The following ANK3 variants were observed in gnomAD, a reference collection of about 807,000 sequenced individuals.
The protein encoded by ANK3 is ankyrin-3.
In ANK3, 57 loss-of-function variants were observed where a neutral mutation model predicts 370.9. The observed-to-expected ratio is 0.15, with a 90% CI of 0.12 to 0.19. The LOEUF is 0.19. ANK3 is among the 10% of genes least tolerant of loss of function. ANK3 has a pLI of 1.00. For synonymous variants in ANK3, 1,929 were observed against 1,946.3 expected, an observed-to-expected ratio of 0.99 and a Z score of 0.23; for missense variants, 4,439 against 5,302.1, an observed-to-expected ratio of 0.84 and a Z score of 5.06.
At chr10:60,242,019 C>T (rs1002362539) in intron 7 of ANK3, among the ~76,000 whole-genome samples, 3 of 152,104 alleles carry the variant, frequency 2.0e-5, no homozygotes, top group Admixed American at 6.6e-5. Flanking sequence ...CTGCTATATC[C>T]TCTAATGTGT....
Position 60,088,083 on chromosome 10 carries a change from A to G in ANK3, c.3540+64T>C. 6 of 1,346,276 alleles carry G rather than the reference A, an allele frequency of 4.5e-6. No individual in the cohort carries two copies. The South Asian group carries it at 7.3e-5, about 16-fold the overall frequency. The allele number at this position is 1,346,276 out of a possible 1,614,324, so 83.4% of individuals were successfully genotyped here. A position where few individuals can be genotyped will look rare whatever the true frequency, so the allele number is the denominator to read the frequency against. ...AGGATGTTAGAATAACTCTTTCCAG[A>G]GCAAAACATGCACTCACATGCTCTC... On this transcript the variant is annotated intron_variant, in intron 29 of 43. Transcript: ENST00000280772.
intron 2 of ANK3, among the ~76,000 whole-genome samples, chr10:60,586,737 A>G (rs886913713): frequency 6.6e-6 from 1 of 152,214 alleles, no homozygotes; most frequent in Non-Finnish European, 1.5e-5. Flanking sequence ...TTGTGGTAGG[A>G]CCACATGACT....
At chr10:60,035,029 A>AAG (rs386371551) in intron 43 of ANK3, among the ~76,000 whole-genome samples, 1 of 151,702 alleles carries the variant, frequency 6.6e-6, no homozygotes, top group Non-Finnish European at 1.5e-5. Flanking sequence ...GCTGGAAAAA[A>AAG]ATACTGGAAA....
At chr10:60,061,622 C>A (rs2131937490) in intron 40 of ANK3, among the ~76,000 whole-genome samples, 1 of 152,098 alleles carries the variant, frequency 6.6e-6, no homozygotes, top group East Asian at 1.9e-4. Flanking sequence ...TCAAAGGGAG[C>A]GTTTTTCCAA....
At chr10:60,208,774 A>G (rs1453222699) in intron 9 of ANK3, among the ~76,000 whole-genome samples, 3 of 152,232 alleles carry the variant, frequency 2.0e-5, no homozygotes, top group African/African-American at 7.2e-5. Context: ...ATTGAAGACT[A>G]TACTGATTTG....
At chr10:60,705,316 A>G (rs2079599322) in intron 1 of ANK3, among the ~76,000 whole-genome samples, 1 of 147,384 alleles carries the variant, frequency 6.8e-6, no homozygotes, top group African/African-American at 2.4e-5. Context: ...TTAAATAAAT[A>G]AAGGTGATGA....
chr10:60,033,529 A>AC (rs1326851455), intron 43 of ANK3, among the ~76,000 whole-genome samples: 3 of 148,724 alleles, frequency 2.0e-5, no homozygotes, highest in Non-Finnish European at 4.5e-5. Flanking sequence ...AAAAAAAAAA[A>AC]AAAAAAAAAA....
At chr10:60,624,181 C>T (rs1339917845) in intron 1 of ANK3, among the ~76,000 whole-genome samples, 2 of 152,064 alleles carry the variant, frequency 1.3e-5, no homozygotes, top group Admixed American at 1.3e-4. Flanking sequence ...CAAACTTGCA[C>T]ATGTACCCCT....
intron 2 of ANK3, among the ~76,000 whole-genome samples, chr10:60,592,361 CAA>C (rs1567169014): frequency 6.6e-6 from 1 of 152,196 alleles, no homozygotes; most frequent in Non-Finnish European, 1.5e-5. Flanking sequence ...ACAGTAAACA[CAA>C]AGATTACCAT....
chr10:60,125,285 G>A (rs2093698709), intron 25 of ANK3, among the ~76,000 whole-genome samples: 1 of 152,142 alleles, frequency 6.6e-6, no homozygotes, highest in African/African-American at 2.4e-5. Context: ...AGACAATCTG[G>A]TTATGAACTC....
rs972331785 is a variant in ANK3, at chr10:60,166,592, T to C, written c.2613A>G (p.Glu871=). ...ATCACAATAAAAATTTACAAATACC[T>C]TCTTCAACATCTGAGATATATTCGC... is the stretch of plus-strand genomic sequence containing the variant. ...SDGEYISDVE[E]GEDAMTGDTD... is the part of the protein sequence containing the mutation. Residue 871 remains glutamate (E), a splice_region_variant and synonymous_variant, in exon 23 of 44, where the codon GAA becomes GAG. Transcript: ENST00000280772. 6.2e-7 allele frequency: 1 copy of C among 1,613,082 alleles called. No individual in the cohort carries two copies. The highest frequency in any genetic ancestry group is 1.1e-5 in the South Asian group (1 of 90,942).
At chr10:60,716,064 A>T (rs1232308384) in intron 1 of ANK3, among the ~76,000 whole-genome samples, 1 of 152,218 alleles carries the variant, frequency 6.6e-6, no homozygotes, top group East Asian at 1.9e-4. Flanking sequence ...ACATATTCAC[A>T]TATTCAAGTT....
At chr10:60,697,294 G>A (rs1038645013) in intron 1 of ANK3, among the ~76,000 whole-genome samples, 1 of 151,674 alleles carries the variant, frequency 6.6e-6, no homozygotes, top group Non-Finnish European at 1.5e-5. Context: ...CTCATGGGTA[G>A]GAAAAATCAA....
chr10:60,474,625 A>G (rs895030165), intron 2 of ANK3, among the ~76,000 whole-genome samples: 1 of 152,220 alleles, frequency 6.6e-6, no homozygotes, highest in African/African-American at 2.4e-5. Context: ...GGCCTTTCAA[A>G]TAGTAATCAC....
intron 4 of ANK3, among the ~76,000 whole-genome samples, chr10:60,272,480 GTTTGT>G (rs1566148848): frequency 1.5e-5 from 1 of 67,808 alleles, no homozygotes; most frequent in African/African-American, 4.3e-5. Flanking sequence ...TGTTGTTCTT[GTTTGT>G]TTTTTTTTTG....
intron 4 of ANK3, among the ~76,000 whole-genome samples, chr10:60,277,567 C>T (rs1592930112): frequency 6.6e-6 from 1 of 152,254 alleles, no homozygotes; most frequent in South Asian, 2.1e-4. Context: ...ATCCAAAGAT[C>T]TCACTTATCT....
At chr10:60,345,630 C>G (rs1417688818) in intron 1 of ANK3, among the ~76,000 whole-genome samples, 2 of 152,096 alleles carry the variant, frequency 1.3e-5, no homozygotes, top group Non-Finnish European at 2.9e-5. Context: ...GAAGATAAGA[C>G]AATACTAAAG....
At chr10:60,583,511 G>C (rs373319791) in intron 2 of ANK3, among the ~76,000 whole-genome samples, 1 of 100,078 alleles carries the variant, frequency 1.0e-5, no homozygotes, top group Non-Finnish European at 2.2e-5. Context: ...GAGGTTTTTT[G>C]TTTTTTGTTT....
chr10:60,663,070 C>A (rs549049688), intron 1 of ANK3, among the ~76,000 whole-genome samples: 2 of 152,128 alleles, frequency 1.3e-5, no homozygotes, highest in African/African-American at 4.8e-5. Flanking sequence ...TCCATGAACT[C>A]GCCTCACAAA....
Sources: gnomAD v4.1 joint callset for allele counts (sites outside exome capture counted in the v4.1 genomes callset) on GRCh38, gnomAD v4.1.1 for gene constraint, MANE v1.5 for transcripts, NCBI Gene and HGNC (gene_info 2026-07-23, HGNC 2026-07-21) for gene names.